The following TBC1D22A variants were observed in gnomAD, a reference collection of about 807,000 sequenced individuals.
TBC1D22A encodes the protein putative GTPase activator.
Under a neutral mutation model 60.2 loss-of-function variants are expected in TBC1D22A, and 38 were observed. That is an observed-to-expected ratio of 0.63 (90% CI 0.49 to 0.83). TBC1D22A has a LOEUF of 0.83. Ranked by LOEUF, TBC1D22A falls within the 40% of genes least tolerant of loss-of-function variation. The probability of loss-of-function intolerance (pLI) is 0.00; values close to 1 mark genes in which losing one functional copy is unlikely to be tolerated. For synonymous variants in TBC1D22A, 302 were observed against 281.7 expected (o/e 1.07, Z -0.72); for missense variants, 628 against 701.0 (o/e 0.90, Z 1.18).
At chr22:46,991,598 A>G (rs139561391) in intron 9 of TBC1D22A, among the ~76,000 whole-genome samples, 8 of 152,296 alleles carry the variant, frequency 5.3e-5, no homozygotes, top group African/African-American at 1.7e-4. Context: ...CTTTGCCTGG[A>G]TTACGGCAGT....
intron 4 of TBC1D22A, among the ~76,000 whole-genome samples, chr22:46,811,500 T>C (rs1252773586): frequency 6.6e-6 from 1 of 152,156 alleles, no homozygotes; most frequent in Non-Finnish European, 1.5e-5. Context: ...GGGACTCACT[T>C]AAGCGGAGAG....
intron 8 of TBC1D22A, among the ~76,000 whole-genome samples, chr22:46,951,991 C>G (rs2072931376): frequency 6.6e-6 from 1 of 152,194 alleles, no homozygotes; most frequent in Non-Finnish European, 1.5e-5. Flanking sequence ...AGTCACAGAG[C>G]AGGCTGTTTG....
At chr22:46,848,381 T>G (rs2087116264) in intron 4 of TBC1D22A, among the ~76,000 whole-genome samples, 1 of 152,014 alleles carries the variant, frequency 6.6e-6, no homozygotes, top group African/African-American at 2.4e-5. Flanking sequence ...CAGCTAGAGG[T>G]GATTCTAGGC....
intron 11 of TBC1D22A, among the ~76,000 whole-genome samples, chr22:47,067,819 C>T (rs2063828073): frequency 6.6e-6 from 1 of 152,268 alleles, no homozygotes; most frequent in Non-Finnish European, 1.5e-5. Context: ...CTTTGCTCAG[C>T]ACTTTCCCAG....
At chr22:47,152,980 G>A (rs954767338) in intron 12 of TBC1D22A, among the ~76,000 whole-genome samples, 7 of 152,296 alleles carry the variant, frequency 4.6e-5, no homozygotes, top group South Asian at 4.2e-4. Flanking sequence ...AATCACAGCC[G>A]ATTTCATTCT....
At chr22:46,809,993 T>G (rs1035657480) in intron 4 of TBC1D22A, among the ~76,000 whole-genome samples, 2 of 152,254 alleles carry the variant, frequency 1.3e-5, no homozygotes, top group African/African-American at 2.4e-5. Context: ...CTTAAAATTC[T>G]TATTAAAATT....
At chr22:47,090,764 A>C (rs1603256454) in intron 11 of TBC1D22A, among the ~76,000 whole-genome samples, 1 of 144,774 alleles carries the variant, frequency 6.9e-6, no homozygotes, top group African/African-American at 2.6e-5. Flanking sequence ...GTTGATAGAG[A>C]CGGGCACGAG....
Position 46,974,417 on chromosome 22 carries a change from C to T in TBC1D22A, c.1125+18C>T, listed in dbSNP as rs558950293. On this transcript the variant is annotated intron_variant, in intron 9 of 12. Transcript: ENST00000337137. Reference sequence around the variant, plus strand: ...GCATTCAGGTGAGCGCCCGCGCCCACGGGACACAGCCCACGCCCACAGCCC... The same window carrying T: ...GCATTCAGGTGAGCGCCCGCGCCCATGGGACACAGCCCACGCCCACAGCCC... 6.9e-5 allele frequency: 110 copies of T among 1,591,018 alleles called. No homozygotes were observed. The South Asian group carries it at 9.9e-4, about 14-fold the overall frequency.
chr22:47,071,391 C>T lies in TBC1D22A; in HGVS notation c.1329+34193C>T, dbSNP rs148991413. On this transcript the variant is annotated intron_variant, in intron 11 of 12. Coordinates refer to ENST00000337137, the MANE Select transcript of TBC1D22A (RefSeq NM_014346.5). ...GAGTGACTCTTGGCTGCTCCCTGCCCGTCCTCAGTTGCTTTTTGGTGGAAG... is the reference window on the plus strand; with the variant it reads ...GAGTGACTCTTGGCTGCTCCCTGCCTGTCCTCAGTTGCTTTTTGGTGGAAG... Among the ~76,000 whole-genome samples, 932 of 152,314 alleles carry T rather than the reference C, an allele frequency of 6.1e-3. 10 individuals carry two copies. The highest frequency in any genetic ancestry group is 0.021 in the African/African-American group (856 of 41,556).
At chr22:47,065,657 G>GGACTTATCAGGCCTC (rs1556045879) in intron 11 of TBC1D22A, among the ~76,000 whole-genome samples, 1 of 150,528 alleles carries the variant, frequency 6.6e-6, no homozygotes, top group East Asian at 1.9e-4. Flanking sequence ...GTTGGATTGA[G>GGACTTATCAGGCCTC]GGAGACCTGC....
intron 12 of TBC1D22A, among the ~76,000 whole-genome samples, chr22:47,125,190 C>G (rs1278844309): frequency 6.6e-6 from 1 of 152,168 alleles, no homozygotes; most frequent in Non-Finnish European, 1.5e-5. Context: ...AGATCTGCCG[C>G]CAGCATGGCC....
intron 1 of TBC1D22A, among the ~76,000 whole-genome samples, chr22:46,764,530 C>A (rs1432572510): frequency 6.6e-6 from 1 of 152,194 alleles, no homozygotes; most frequent in East Asian, 1.9e-4. Context: ...GGATTGAAGG[C>A]TGTGGCTCTT....
chr22:46,883,888 T>C (rs1169904135), intron 5 of TBC1D22A, among the ~76,000 whole-genome samples: 1 of 152,232 alleles, frequency 6.6e-6, no homozygotes, highest in Non-Finnish European at 1.5e-5. Flanking sequence ...TCTTCTCCAC[T>C]ATCAAAACCA....
chr22:47,072,069 G>C (rs2064015598), intron 11 of TBC1D22A, among the ~76,000 whole-genome samples: 1 of 147,160 alleles, frequency 6.8e-6, no homozygotes, highest in Admixed American at 6.8e-5. Context: ...TGAATACTCA[G>C]ATGCGGTTTT....
chr22:46,840,472 C>T (rs1010551126), intron 4 of TBC1D22A, among the ~76,000 whole-genome samples: 38 of 152,288 alleles, frequency 2.5e-4, no homozygotes, highest in African/African-American at 8.2e-4. Context: ...TGGTGGCTCA[C>T]GCCTGTAATC....
intron 12 of TBC1D22A, among the ~76,000 whole-genome samples, chr22:47,133,733 G>C (rs539259967): frequency 6.6e-5 from 10 of 152,324 alleles, no homozygotes; most frequent in African/African-American, 2.4e-4. Flanking sequence ...GAGCTTTGGC[G>C]GTGACACTTG....
intron 11 of TBC1D22A, among the ~76,000 whole-genome samples, chr22:47,064,939 G>A (rs955696874): frequency 2.0e-5 from 3 of 152,118 alleles, no homozygotes; most frequent in Non-Finnish European, 4.4e-5. Context: ...CAGTTTCTAA[G>A]GGATGTATCA....
At chr22:46,926,523 G>T (rs938967650) in intron 8 of TBC1D22A, among the ~76,000 whole-genome samples, 1 of 152,030 alleles carries the variant, frequency 6.6e-6, no homozygotes, top group Non-Finnish European at 1.5e-5. Flanking sequence ...TGCTGACTTG[G>T]CTGGGCTGTG....
intron 8 of TBC1D22A, among the ~76,000 whole-genome samples, chr22:46,963,872 C>T (rs967245788): frequency 1.3e-5 from 2 of 152,244 alleles, no homozygotes; most frequent in Admixed American, 6.5e-5. Flanking sequence ...GGCATGGGCC[C>T]ACAGGGACAC....
Sources: gnomAD v4.1 joint callset for allele counts (sites outside exome capture counted in the v4.1 genomes callset) on GRCh38, gnomAD v4.1.1 for gene constraint, MANE v1.5 for transcripts, NCBI Gene and HGNC (gene_info 2026-07-23, HGNC 2026-07-21) for gene names.